Variants in TAFA4 observed in about 807,000 individuals in gnomAD.
TAFA4 encodes TAFA chemokine like family member 4.
Under a neutral mutation model 21.1 loss-of-function variants are expected in TAFA4, and 20 were observed. The observed-to-expected ratio is 0.95, with a 90% CI of 0.67 to 1.38. The LOEUF is 1.38. Among genes scored for constraint, TAFA4 ranks in the 40% most tolerant of loss-of-function variants. The pLI, the probability that TAFA4 is intolerant of heterozygous loss-of-function variation, is 0.00. For synonymous variants in TAFA4, 71 were observed against 67.4 expected, an observed-to-expected ratio of 1.05 and a Z score of -0.26; for missense variants, 211 against 180.9, an observed-to-expected ratio of 1.17 and a Z score of -0.95.
chr3:68,895,578 G>T (rs1264479041), intron 1 of TAFA4, among the ~76,000 whole-genome samples: 1 of 152,256 alleles, frequency 6.6e-6, no homozygotes, highest in Non-Finnish European at 1.5e-5. Flanking sequence ...AAGAGAAGGG[G>T]AGATACAGTG....
Position 68,835,120 on chromosome 3 carries a change from A to ACCTGCTGTGT in TAFA4, c.130+45609_130+45610insACACAGCAGG, listed in dbSNP as rs1704492878. Among the ~76,000 whole-genome samples the ACCTGCTGTGT allele has an allele frequency of 2.0e-5, 3 of 152,110 alleles. No individual in the cohort carries two copies. In the East Asian group the frequency reaches 5.8e-4, roughly 30 times the overall value. On this transcript the variant is annotated intron_variant, in intron 3 of 5. Transcript: ENST00000295569. ...CATGGCCTCTGCACCTGCTGTGTCC[A>ACCTGCTGTGT]CCACCTGGAACACCTGGCCCCCAGT...
chr3:68,880,888 G>A (rs1201796832), intron 2 of TAFA4, 43 bp from the exon 3 acceptor site: 4 of 1,522,852 alleles, frequency 2.6e-6, no homozygotes, highest in Admixed American at 1.7e-5. Flanking sequence ...GCTGAGGAAG[G>A]CCAGACTCCC....
At chr3:68,891,119 T>C (rs1406119824) in intron 1 of TAFA4, among the ~76,000 whole-genome samples, 1 of 152,194 alleles carries the variant, frequency 6.6e-6, no homozygotes, top group Non-Finnish European at 1.5e-5. Flanking sequence ...TAGAACTCTC[T>C]AAAACGTTTC....
At chr3:68,878,730 A>G (rs1400992762) in intron 3 of TAFA4, among the ~76,000 whole-genome samples, 1 of 152,190 alleles carries the variant, frequency 6.6e-6, no homozygotes, top group East Asian at 1.9e-4. Context: ...TGGAAAATAG[A>G]CTTTAAAAAC....
At position 68,841,409 on chromosome 3, in the gene TAFA4, T is replaced by A. The variant is rs141308496; in HGVS notation, c.130+39321A>T. ...GCATTAAGTCCCTGTGGTTTCACAA[T>A]TGGCTGGCACTGTTCTTACCTTCTT... is the stretch of plus-strand genomic sequence containing the variant. On this transcript the variant is annotated intron_variant, in intron 3 of 5. Transcript: ENST00000295569. 6.3e-3 allele frequency among the ~76,000 whole-genome samples: 957 copies of A among 152,240 alleles called. 11 individuals are homozygous for A. Among genetic ancestry groups the A allele is most frequent in the African/African-American group, 0.021 (888 of 41,522 alleles).
At chr3:68,756,452 G>C (rs541615835) in intron 3 of TAFA4, among the ~76,000 whole-genome samples, 1 of 152,114 alleles carries the variant, frequency 6.6e-6, no homozygotes, top group Non-Finnish European at 1.5e-5. Context: ...GCTTTGCTTG[G>C]TTTCTGTTGG....
At chr3:68,814,608 A>G (rs1427559834) in intron 3 of TAFA4, among the ~76,000 whole-genome samples, 3 of 152,130 alleles carry the variant, frequency 2.0e-5, no homozygotes, top group Non-Finnish European at 2.9e-5. Flanking sequence ...ACTTACAAGG[A>G]ATGTGAAGGA....
chr3:68,845,413 T>C (rs1704762362), intron 3 of TAFA4, among the ~76,000 whole-genome samples: 1 of 152,172 alleles, frequency 6.6e-6, no homozygotes, highest in African/African-American at 2.4e-5. Context: ...CCTTTGAACC[T>C]TTGCACATGA....
Position 68,752,880 on chromosome 3 carries a change from T to C in TAFA4, c.269A>G (p.Gln90Arg). Residue 90 changes from glutamine (Q) to arginine (R), a missense_variant, in exon 4 of 6, where the codon CAA (glutamine) becomes CGA (arginine). Gln to Arg is a conservative substitution (Grantham distance 43). Coordinates refer to ENST00000295569, the MANE Select transcript of TAFA4 (RefSeq NM_182522.5). ...PGQVAGTTRAQPSCVEASIVI... is the reference protein window; with the variant it reads ...PGQVAGTTRARPSCVEASIVI... ...GGTCTTACCTTCAACACAAGAAGGT[T>C]GAGCCCGAGTTGTGCCCGCCACCTG... is the stretch of plus-strand genomic sequence containing the variant. 6.2e-7 allele frequency: 1 copy of C among 1,614,098 alleles called. No homozygotes were observed. Among genetic ancestry groups the C allele is most frequent in the Non-Finnish European group, 8.5e-7 (1 of 1,180,022 alleles).
At chr3:68,878,640 A>G (rs762805623) in intron 3 of TAFA4, among the ~76,000 whole-genome samples, 2 of 152,186 alleles carry the variant, frequency 1.3e-5, no homozygotes, top group Non-Finnish European at 1.5e-5. Flanking sequence ...GAACCTGCCA[A>G]TTGGCCCCTT....
chr3:68,861,597 AG>A (rs2089345408), intron 3 of TAFA4, among the ~76,000 whole-genome samples: 1 of 152,036 alleles, frequency 6.6e-6, no homozygotes, highest in Non-Finnish European at 1.5e-5. Context: ...AAAGCACCCA[AG>A]GTGCTGCCTG....
At chr3:68,917,319 A>G (rs1329700470) in intron 1 of TAFA4, among the ~76,000 whole-genome samples, 1 of 152,134 alleles carries the variant, frequency 6.6e-6, no homozygotes. Context: ...CAGCACCTCA[A>G]CTGCACTTAC....
chr3:68,788,858 A>C (rs1703311184), intron 3 of TAFA4, among the ~76,000 whole-genome samples: 1 of 152,142 alleles, frequency 6.6e-6, no homozygotes, highest in African/African-American at 2.4e-5. Flanking sequence ...TCCTGGGCTC[A>C]AGCTATCCTC....
chr3:68,780,935 C>A (rs28758872), intron 3 of TAFA4, among the ~76,000 whole-genome samples: 3 of 150,936 alleles, frequency 2.0e-5, no homozygotes, highest in Non-Finnish European at 3.0e-5. Context: ...AAAAGGCATA[C>A]CTGGCAGGTT....
At chr3:68,771,456 G>A (rs910826569) in intron 3 of TAFA4, among the ~76,000 whole-genome samples, 1 of 152,218 alleles carries the variant, frequency 6.6e-6, no homozygotes, top group African/African-American at 2.4e-5. Context: ...TCCCCTTTGG[G>A]GTTTGAGCAG....
intron 3 of TAFA4, among the ~76,000 whole-genome samples, chr3:68,837,846 G>GT (rs909373804): frequency 3.3e-5 from 5 of 150,938 alleles, no homozygotes; most frequent in African/African-American, 7.3e-5. Context: ...TTTGGTTTGT[G>GT]TTTTTTTTAG....
At chr3:68,764,013 C>A (rs1164030519) in intron 3 of TAFA4, among the ~76,000 whole-genome samples, 2 of 152,152 alleles carry the variant, frequency 1.3e-5, no homozygotes, top group Non-Finnish European at 2.9e-5. Context: ...ACCTAATCCA[C>A]TTATATTTTG....
At chr3:68,884,782 G>A (rs939304035) in intron 2 of TAFA4, among the ~76,000 whole-genome samples, 14 of 152,112 alleles carry the variant, frequency 9.2e-5, no homozygotes, top group Admixed American at 2.0e-4. Context: ...TTCTTCTTAC[G>A]TGGACAATTC....
intron 3 of TAFA4, among the ~76,000 whole-genome samples, chr3:68,759,563 T>G (rs1223862412): frequency 2.0e-5 from 3 of 152,184 alleles, no homozygotes; most frequent in African/African-American, 7.2e-5. Context: ...TAAATTCACT[T>G]AAAACAAAGA....
Sources: gnomAD v4.1 joint callset for allele counts (sites outside exome capture counted in the v4.1 genomes callset) on GRCh38, gnomAD v4.1.1 for gene constraint, MANE v1.5 for transcripts, NCBI Gene and HGNC (gene_info 2026-07-23, HGNC 2026-07-21) for gene names.